GRIN2D: variants seen among roughly 807,000 people sequenced by gnomAD.
The protein encoded by GRIN2D is glutamate ionotropic receptor NMDA type subunit 2D.
In GRIN2D, 37 loss-of-function variants were observed where a neutral mutation model predicts 103.2. The ratio of observed to expected loss-of-function variants is 0.36; its 90% confidence interval spans 0.28 to 0.47. GRIN2D has a LOEUF of 0.47. Ranked by LOEUF, GRIN2D falls within the 20% of genes least tolerant of loss-of-function variation. GRIN2D has a pLI of 1.00. For synonymous variants in GRIN2D, 845 were observed against 885.6 expected (o/e 0.95, Z 0.81); for missense variants, 1,557 against 1,910.6 (o/e 0.81, Z 3.45).
chr19:48,415,766 G>A (rs1483399068), intron 7 of GRIN2D, among the ~76,000 whole-genome samples: 1 of 152,044 alleles, frequency 6.6e-6, no homozygotes, highest in Non-Finnish European at 1.5e-5. Context: ...AGGTCTTGCT[G>A]GGAGCAGCCG....
rs1970994265 is a variant in GRIN2D, at chr19:48,419,678, GA to G, written c.1957del (p.Thr653ProfsTer29). ...TCGGTGCCCGTGGAGAACCCCCGGG[GA>G]ACCACCAGCAAAATCATGGTGCTGG... Reference protein sequence around the residue: ...NNSVPVENPRGTTSKIMVLVW... With the variant: ...NNSVPVENPRXTTSKIMVLVW... On this transcript the variant is annotated frameshift_variant, in exon 10 of 14. Transcript: ENST00000263269. LOFTEE classifies it high-confidence loss of function. 6.2e-7 allele frequency: 1 copy of G among 1,613,366 alleles called. No homozygotes were observed. Among genetic ancestry groups the G allele is most frequent in the Non-Finnish European group, 8.5e-7 (1 of 1,179,826 alleles).
intron 11 of GRIN2D, among the ~76,000 whole-genome samples, chr19:48,434,286 C>T (rs2147468678): frequency 6.6e-6 from 1 of 152,130 alleles, no homozygotes; most frequent in South Asian, 2.1e-4. Context: ...TGCAGTCTCG[C>T]TCTGTCACCC....
rs1368790310 is a variant in GRIN2D at position 48,405,014 on chromosome 19, C to T, written c.746C>T (p.Ala249Val). 6 of 1,612,344 alleles carry T rather than the reference C, an allele frequency of 3.7e-6. No homozygotes were observed. Among genetic ancestry groups the T allele is most frequent in the East Asian group, 2.2e-5 (1 of 44,874 alleles). The change falls in exon 4 of 14, where the codon GCC becomes GTC. Residue 249 changes from alanine (A) to valine (V), a missense_variant. Transcript: ENST00000263269. The surrounding 1 kb of genome is among the most constrained non-coding windows in gnomAD (Gnocchi z 5.1). ...VSAQIRLLFCAREEAEPVFRA... is the reference protein window; with the variant it reads ...VSAQIRLLFCVREEAEPVFRA... The stretch of plus-strand genomic sequence containing the variant: ...GCGCAGATCCGCCTGCTCTTCTGCG[C>T]CCGAGAGGAGGCCGAGCCCGTGTTC...
At chr19:48,423,481 AT>A (rs1265889119) in intron 11 of GRIN2D, among the ~76,000 whole-genome samples, 1 of 152,020 alleles carries the variant, frequency 6.6e-6, no homozygotes, top group Non-Finnish European at 1.5e-5. Context: ...GGGCTGGGAT[AT>A]TTTCACCAGG....
intron 11 of GRIN2D, 99 bp downstream of exon 11, chr19:48,422,044 A>C (rs999891257): frequency 2.2e-5 from 27 of 1,253,058 alleles, no homozygotes; most frequent in African/African-American, 4.5e-5. Context: ...TCAGTCCCAG[A>C]GGTCAGCCCT....
intron 4 of GRIN2D, among the ~76,000 whole-genome samples, chr19:48,408,751 T>G (rs1600974305): frequency 2.8e-5 from 4 of 141,648 alleles, no homozygotes; most frequent in Non-Finnish European, 3.1e-5. Flanking sequence ...ACCTGGGAGG[T>G]GAAGGTTGCA....
chr19:48,403,441 AT>A (rs1970742796), intron 3 of GRIN2D, among the ~76,000 whole-genome samples: 1 of 152,074 alleles, frequency 6.6e-6, no homozygotes, highest in Admixed American at 6.6e-5. Flanking sequence ...TCTATTTAAC[AT>A]TTTTTTCCTC....
chr19:48,443,684 A>T lies in GRIN2D; in HGVS notation c.3758A>T (p.His1253Leu). ...GCCGCCGCGCCCCACCACCACAGGC[A>T]CCGGCGCGCCGCTGGGGGCTGGGAC... ...PAAAAPHHHRHRRAAGGWDLP... is the reference protein window; with the variant it reads ...PAAAAPHHHRLRRAAGGWDLP... Residue 1253 changes from histidine to leucine, a missense_variant, in exon 14 of 14, where the codon CAC (histidine) becomes CTC (leucine). Coordinates refer to ENST00000263269, the MANE Select transcript of GRIN2D (RefSeq NM_000836.4). This position sits in a 1 kb window ranked among gnomAD's most constrained non-coding sequence, Gnocchi z 8.9. 1 of 1,222,048 alleles carries T rather than the reference A, an allele frequency of 8.2e-7. No individual in the cohort carries two copies. The highest frequency in any genetic ancestry group is 3.2e-5 in the South Asian group (1 of 31,160). 75.7% of individuals were successfully genotyped at this position (1,222,048 alleles called of 1,614,324 possible). A position where few individuals can be genotyped will look rare whatever the true frequency, so the allele number is the denominator to read the frequency against.
In GRIN2D at chr19:48,444,888, C is replaced by T. The variant is rs1437309650; in HGVS notation, c.*951C>T. 6.6e-6 allele frequency: 1 copy of T among 152,258 alleles called. No homozygotes were observed. The highest frequency in any genetic ancestry group is 1.5e-5 in the Non-Finnish European group (1 of 68,102). The allele number at this position is 152,258 out of a possible 1,614,324, so 9.4% of individuals were successfully genotyped here. On this transcript the variant is annotated 3_prime_UTR_variant, in exon 14 of 14. Coordinates refer to ENST00000263269, the MANE Select transcript of GRIN2D (RefSeq NM_000836.4). This position sits in a 1 kb window ranked among gnomAD's most constrained non-coding sequence, Gnocchi z 5.5. ...AACTTCCCTTCCCACTCTCTTATTC[C>T]ACATTGCAGTGTTTGGAATAAACCA...
intron 4 of GRIN2D, among the ~76,000 whole-genome samples, chr19:48,413,661 CAAAA>C (rs11368422): frequency 3.5e-5 from 2 of 57,304 alleles, no homozygotes; most frequent in East Asian, 5.1e-4. Context: ...GACTCTGTCT[CAAAA>C]AAAAAAAAAA....
chr19:48,443,125 G>A lies in GRIN2D; in HGVS notation c.3199G>A (p.Glu1067Lys), dbSNP rs1971325487. Residue 1067 changes from glutamate to lysine, a missense_variant, in exon 14 of 14, where the codon GAG (glutamate) becomes AAG (lysine). Transcript: ENST00000263269. The surrounding 1 kb of genome is among the most constrained non-coding windows in gnomAD (Gnocchi z 8.9). ...CGCGCGGTGGCCGCGCTCGGACCCCGAGAGCCAACCCCTGCTGGGGCCAGG... is the reference window on the plus strand; with the variant it reads ...CGCGCGGTGGCCGCGCTCGGACCCCAAGAGCCAACCCCTGCTGGGGCCAGG... ...APARWPRSDP[E>K]SQPLLGPGAG... 9.9e-7 allele frequency: 1 copy of A among 1,009,660 alleles called. No individual in the cohort carries two copies. Among genetic ancestry groups the A allele is most frequent in the Non-Finnish European group, 1.2e-6 (1 of 846,434 alleles). The allele number at this position is 1,009,660 out of a possible 1,614,324, so 62.5% of individuals were successfully genotyped here. A position where few individuals can be genotyped will look rare whatever the true frequency, so the allele number is the denominator to read the frequency against.
intron 3 of GRIN2D, among the ~76,000 whole-genome samples, chr19:48,403,771 G>T (rs1224019895): frequency 6.6e-6 from 1 of 152,210 alleles, no homozygotes; most frequent in Non-Finnish European, 1.5e-5. Context: ...CTCATTGCAT[G>T]CTGGGAGATG....
chr19:48,396,204 G>T (rs1436937542), intron 2 of GRIN2D, among the ~76,000 whole-genome samples: 1 of 151,996 alleles, frequency 6.6e-6, no homozygotes, highest in Non-Finnish European at 1.5e-5. Context: ...TTGTCCAGAG[G>T]CTGGACTCTG....
chr19:48,443,937 A>G lies in GRIN2D; in HGVS notation c.4011A>G (p.Ter1337TrpextTer68). ...AHFSSLESEV* is the reference protein window; with the variant it reads ...AHFSSLESEVW ...TCTCTAGCCTCGAGTCCGAGGTATG[A>G]CGCGGCCCCGGGGGCCCCACCGCCC... The change falls in exon 14 of 14, where the codon TGA becomes TGG. Residue 1337 changes from the stop codon to tryptophan (W), a stop_lost. Transcript: ENST00000263269. The surrounding 1 kb of genome is among the most constrained non-coding windows in gnomAD (Gnocchi z 8.9). The G allele has an allele frequency of 7.1e-7, 1 of 1,404,666 alleles. No homozygotes were observed. The highest frequency in any genetic ancestry group is 9.3e-7 in the Non-Finnish European group (1 of 1,079,176). The allele number at this position is 1,404,666 out of a possible 1,614,324, so 87.0% of individuals were successfully genotyped here.
In GRIN2D at chr19:48,442,642, G is replaced by A. The variant is rs1179404155; in HGVS notation, c.2716G>A (p.Ala906Thr). 2 of 1,457,372 alleles carry A rather than the reference G, an allele frequency of 1.4e-6. No individual in the cohort carries two copies. Among genetic ancestry groups the A allele is most frequent in the Non-Finnish European group, 1.8e-6 (2 of 1,093,884 alleles). 90.3% of individuals were successfully genotyped at this position (1,457,372 alleles called of 1,614,324 possible). Residue 906 changes from alanine (A) to threonine (T), a missense_variant, in exon 14 of 14, where the codon GCC (alanine) becomes ACC (threonine). Ala to Thr is a moderately conservative substitution (Grantham distance 58). Transcript: ENST00000263269. The surrounding 1 kb of genome is among the most constrained non-coding windows in gnomAD (Gnocchi z 7.2). ...CAGCGCTGAGGCCGCCCCACCGCCC[G>A]CCAAGCCCCCGCCGCCGCCACAGCC... ...CCSAEAAPPP[A>T]KPPPPPQPLP...
intron 4 of GRIN2D, among the ~76,000 whole-genome samples, chr19:48,408,837 G>T (rs966865624): frequency 2.0e-5 from 3 of 147,770 alleles, no homozygotes; most frequent in Non-Finnish European, 3.0e-5. Flanking sequence ...AAAAAAAAGA[G>T]AGAAAGAAAG....
intron 3 of GRIN2D, among the ~76,000 whole-genome samples, chr19:48,403,033 T>C (rs1423885688): frequency 6.6e-6 from 1 of 151,854 alleles, no homozygotes; most frequent in Non-Finnish European, 1.5e-5. Flanking sequence ...ACCCTGTCTC[T>C]ACTAAAAATA....
chr19:48,405,371 G>T lies in GRIN2D; in HGVS notation c.1085+18G>T. The T allele has an allele frequency of 6.5e-7, 1 of 1,535,044 alleles. No individual in the cohort carries two copies. The highest frequency in any genetic ancestry group is 1.2e-5 in the South Asian group (1 of 82,182). On this transcript the variant is annotated intron_variant, in intron 4 of 13. Coordinates refer to ENST00000263269, the MANE Select transcript of GRIN2D (RefSeq NM_000836.4). The surrounding 1 kb of genome is among the most constrained non-coding windows in gnomAD (Gnocchi z 5.1). ...CTGCATAGGTGAGTGGGGCTGGAAT[G>T]GGAGGGGTGTGGGAGGGCTCCCAGA...
chr19:48,426,224 C>CTTTCTTTTTTTTTTTTT (rs1555893889), intron 11 of GRIN2D, among the ~76,000 whole-genome samples: 6 of 120,084 alleles, frequency 5.0e-5, no homozygotes, highest in African/African-American at 2.1e-4. Context: ...TTCTTTCTTT[C>CTTTCTTTTTTTTTTTTT]TTTTTTTTTT....
Sources: gnomAD v4.1 joint callset for allele counts (sites outside exome capture counted in the v4.1 genomes callset) on GRCh38, gnomAD v4.1.1 for gene constraint, Gnocchi (gnomAD v3.1) non-coding constraint, MANE v1.5 for transcripts, NCBI Gene and HGNC (gene_info 2026-07-23, HGNC 2026-07-21) for gene names.